LRRIQ3: variants seen among roughly 807,000 people sequenced by gnomAD.
LRRIQ3 encodes the protein leucine-rich repeat and IQ domain-containing protein 3.
In LRRIQ3, 75 loss-of-function variants were observed where a neutral mutation model predicts 59.3. The ratio of observed to expected loss-of-function variants is 1.26; its 90% CI spans 1.05 to 1.53. The LOEUF (loss-of-function observed/expected upper bound fraction) is 1.53. Among genes scored for constraint, LRRIQ3 ranks in the 40% most tolerant of loss-of-function variants. The probability of loss-of-function intolerance (pLI) is 0.00; values close to 1 mark genes in which losing one functional copy is unlikely to be tolerated. For missense variants in LRRIQ3, 831 were observed against 710.0 expected (o/e 1.17, Z -1.94); for synonymous variants, 250 against 231.3 (o/e 1.08, Z -0.73).
chr1:74,183,795 T>A, intron 1 of LRRIQ3, 111 bp from the exon 2 acceptor site: 1 of 895,862 alleles, frequency 1.1e-6, no homozygotes, highest in Non-Finnish European at 1.6e-6. Flanking sequence ...TTATTAAAGT[T>A]AAAATTTAAA....
intron 1 of LRRIQ3, among the ~76,000 whole-genome samples, chr1:74,185,908 G>A (rs1272063075): frequency 1.3e-5 from 2 of 151,136 alleles, no homozygotes; most frequent in African/African-American, 2.4e-5. Flanking sequence ...GCAAGACTAC[G>A]TCTCAAAAAA....
intron 5 of LRRIQ3, among the ~76,000 whole-genome samples, chr1:74,101,914 T>C (rs1646539156): frequency 6.6e-6 from 1 of 151,302 alleles, no homozygotes; most frequent in Non-Finnish European, 1.5e-5. Flanking sequence ...TGTCATATGG[T>C]GGGGGGAGCG....
chr1:74,163,520 T>C (rs543596417), intron 3 of LRRIQ3, among the ~76,000 whole-genome samples: 2 of 151,802 alleles, frequency 1.3e-5, no homozygotes, highest in Non-Finnish European at 3.0e-5. Flanking sequence ...TTTTCTATTG[T>C]TGAAATAATT....
chr1:74,102,345 C>T (rs550420550), intron 5 of LRRIQ3, among the ~76,000 whole-genome samples: 1 of 151,806 alleles, frequency 6.6e-6, no homozygotes, highest in Non-Finnish European at 1.5e-5. Context: ...AAAGAAGACA[C>T]AGAAATGCCT....
At chr1:74,076,419 T>A (rs1646210470) in intron 5 of LRRIQ3, among the ~76,000 whole-genome samples, 1 of 152,084 alleles carries the variant, frequency 6.6e-6, no homozygotes, top group Admixed American at 6.6e-5. Context: ...CTCAAGAGAA[T>A]CAAAACAATA....
At chr1:74,170,512 C>T (rs1023933714) in intron 3 of LRRIQ3, among the ~76,000 whole-genome samples, 10 of 152,018 alleles carry the variant, frequency 6.6e-5, no homozygotes, top group African/African-American at 2.4e-4. Context: ...GTATTCCGTT[C>T]TATTGTTCTA....
chr1:74,142,223 T>C (rs1647290745), intron 4 of LRRIQ3, among the ~76,000 whole-genome samples: 1 of 151,914 alleles, frequency 6.6e-6, no homozygotes, highest in Non-Finnish European at 1.5e-5. Flanking sequence ...GGAACCTCCA[T>C]ATTTTTCCCA....
At chr1:74,151,080 C>G (rs998734751) in intron 4 of LRRIQ3, among the ~76,000 whole-genome samples, 1 of 133,254 alleles carries the variant, frequency 7.5e-6, no homozygotes, top group Non-Finnish European at 1.5e-5. Context: ...TGCAGTGGCG[C>G]GATCTCGGCT....
rs201649812 is a variant in LRRIQ3, at chr1:74,114,859, CA to C, written c.708-5307del. 3.5e-3 allele frequency among the ~76,000 whole-genome samples: 524 copies of C among 150,798 alleles called. 4 individuals are homozygous for C. Among genetic ancestry groups the C allele is most frequent in the African/African-American group, 0.012 (495 of 41,128 alleles). ...TAAAAGCTGTAAAAGAAGAGAGGAA[CA>C]AAAAAGATATAAGACATATCTGTGA... is the stretch of plus-strand genomic sequence containing the variant. On this transcript the variant is annotated intron_variant, in intron 4 of 7. Transcript: ENST00000354431.
intron 6 of LRRIQ3, among the ~76,000 whole-genome samples, chr1:74,053,816 A>C (rs1367477044): frequency 6.6e-6 from 1 of 152,232 alleles, no homozygotes; most frequent in African/African-American, 2.4e-5. Flanking sequence ...ACTTCATAAG[A>C]TAACACTACA....
chr1:74,104,731 C>T (rs183900720), intron 5 of LRRIQ3, among the ~76,000 whole-genome samples: 413 of 151,986 alleles, frequency 2.7e-3, no homozygotes, highest in African/African-American at 9.0e-3. Context: ...ATTCTGTATA[C>T]TACAATAGTT....
chr1:74,054,746 A>ATATATC (rs1557594994), intron 6 of LRRIQ3, among the ~76,000 whole-genome samples: 2 of 145,244 alleles, frequency 1.4e-5, no homozygotes, highest in African/African-American at 5.0e-5. Flanking sequence ...ACAAATATAT[A>ATATATC]TATATATATA....
chr1:74,101,032 T>G (rs1489336397), intron 5 of LRRIQ3, among the ~76,000 whole-genome samples: 2 of 152,036 alleles, frequency 1.3e-5, no homozygotes, highest in Non-Finnish European at 2.9e-5. Context: ...CCAAAACCAA[T>G]GGCAACAAAA....
chr1:74,038,784 G>T (rs971118802), intron 7 of LRRIQ3, among the ~76,000 whole-genome samples: 1 of 152,070 alleles, frequency 6.6e-6, no homozygotes, highest in Non-Finnish European at 1.5e-5. Context: ...AATAGCATCA[G>T]CAAAAAAGAG....
At chr1:74,155,233 A>G (rs927885120) in intron 4 of LRRIQ3, among the ~76,000 whole-genome samples, 1 of 152,232 alleles carries the variant, frequency 6.6e-6, no homozygotes, top group African/African-American at 2.4e-5. Flanking sequence ...TAAATTGATG[A>G]CAGAGTATCC....
intron 4 of LRRIQ3, among the ~76,000 whole-genome samples, chr1:74,130,080 A>G (rs1646990519): frequency 6.6e-6 from 1 of 151,620 alleles, no homozygotes; most frequent in South Asian, 2.1e-4. Flanking sequence ...GGTGATGCAA[A>G]CCCTCCCTTG....
chr1:74,134,961 T>C (rs1001955249), intron 4 of LRRIQ3, among the ~76,000 whole-genome samples: 3 of 151,938 alleles, frequency 2.0e-5, no homozygotes, highest in Admixed American at 2.0e-4. Flanking sequence ...GTTTTCAGAT[T>C]AACTTAAAAA....
intron 6 of LRRIQ3, among the ~76,000 whole-genome samples, chr1:74,052,805 T>C (rs1469281384): frequency 6.6e-6 from 1 of 152,194 alleles, no homozygotes; most frequent in African/African-American, 2.4e-5. Flanking sequence ...GTGTATTATA[T>C]CTGACTTCTT....
chr1:74,150,465 T>A (rs189877725), intron 4 of LRRIQ3, among the ~76,000 whole-genome samples: 2 of 152,294 alleles, frequency 1.3e-5, no homozygotes, highest in East Asian at 3.9e-4. Context: ...ATGGGCCTCC[T>A]TATCTTGCTC....
Sources: allele counts gnomAD v4.1 joint callset (sites outside exome capture counted in the v4.1 genomes callset), GRCh38; gene constraint gnomAD v4.1.1; transcripts MANE v1.5; gene names NCBI Gene and HGNC (gene_info 2026-07-23, HGNC 2026-07-21).